Variants in MACC1 observed in about 807,000 individuals in gnomAD.
MACC1 encodes metastasis-associated in colon cancer protein 1.
A neutral mutation model predicts 70.7 loss-of-function variants in MACC1; 79 were observed. The ratio of observed to expected loss-of-function variants is 1.12; its 90% CI spans 0.93 to 1.35. The LOEUF is 1.35. MACC1 is among the 40% of genes most tolerant of loss of function. The pLI is 0.00. For missense variants in MACC1, 1,106 were observed against 978.1 expected, an observed-to-expected ratio of 1.13 and a Z score of -1.74; for synonymous variants, 361 against 347.2, an observed-to-expected ratio of 1.04 and a Z score of -0.44.
At chr7:20,178,294 CA>C (rs1562593255) in intron 1 of MACC1, among the ~76,000 whole-genome samples, 50 of 42,296 alleles carry the variant, frequency 1.2e-3, no homozygotes, top group African/African-American at 9.8e-3. Flanking sequence ...CACACACACA[CA>C]CACTCCAGAG....
intron 2 of MACC1, among the ~76,000 whole-genome samples, chr7:20,170,074 C>T (rs1318006130): frequency 6.6e-6 from 1 of 152,168 alleles, no homozygotes; most frequent in Non-Finnish European, 1.5e-5. Flanking sequence ...GCCATGATTC[C>T]TGCCAAAAGA....
intron 5 of MACC1, among the ~76,000 whole-genome samples, chr7:20,157,748 C>T (rs1389795602): frequency 7.8e-6 from 1 of 128,078 alleles, no homozygotes; most frequent in Non-Finnish European, 1.6e-5. Flanking sequence ...GCCTGGGCAA[C>T]AGACCGAGAC....
At chr7:20,211,204 C>T (rs568808683) in intron 1 of MACC1, among the ~76,000 whole-genome samples, 1 of 152,082 alleles carries the variant, frequency 6.6e-6, no homozygotes, top group African/African-American at 2.4e-5. Flanking sequence ...ATAAGGATTC[C>T]TGGGAATCAG....
In MACC1 at chr7:20,135,516, A is replaced by G. The variant is rs2128098758; in HGVS notation, c.*5430T>C. 6.6e-6 allele frequency: 1 copy of G among 152,336 alleles called. No individual in the cohort carries two copies. The highest frequency in any genetic ancestry group is 1.9e-4 in the East Asian group (1 of 5,192). The allele number at this position is 152,336 out of a possible 1,614,324, so 9.4% of individuals were successfully genotyped here. A position where few individuals can be genotyped will look rare whatever the true frequency, so the allele number is the denominator to read the frequency against. On this transcript the variant is annotated 3_prime_UTR_variant, in exon 7 of 7. Coordinates refer to ENST00000400331, the MANE Select transcript of MACC1 (RefSeq NM_182762.4). ...GAAATTTTAATACAGTGGTTCTCAAACTGGGGTCCCTGGACCAGAAACATC... is the reference window on the plus strand; with the variant it reads ...GAAATTTTAATACAGTGGTTCTCAAGCTGGGGTCCCTGGACCAGAAACATC...
Position 20,146,425 on chromosome 7 carries a change from C to T in MACC1, c.2347-5267G>A, listed in dbSNP as rs553007121. 9.2e-5 allele frequency among the ~76,000 whole-genome samples: 14 copies of T among 152,198 alleles called. No homozygotes were observed. In the South Asian group the frequency reaches 2.9e-3, roughly 32 times the overall value. On this transcript the variant is annotated intron_variant, in intron 6 of 6. Transcript: ENST00000400331. Reference sequence around the variant, plus strand: ...TGTGTACATTAATTAACAATAAACTCTATGAAATTTGCCCTAAAATATCTA... The same window carrying T: ...TGTGTACATTAATTAACAATAAACTTTATGAAATTTGCCCTAAAATATCTA...
intron 1 of MACC1, among the ~76,000 whole-genome samples, chr7:20,216,804 A>G (rs1180765529): frequency 6.6e-6 from 1 of 152,192 alleles, no homozygotes; most frequent in Non-Finnish European, 1.5e-5. Flanking sequence ...TTATGCACAC[A>G]CACTTTACAG....
chr7:20,155,817 A>C (rs1782046959), intron 5 of MACC1, among the ~76,000 whole-genome samples: 1 of 152,178 alleles, frequency 6.6e-6, no homozygotes, highest in Non-Finnish European at 1.5e-5. Context: ...CGGGCCCCTG[A>C]TGGTGCTTTT....
chr7:20,203,202 A>T (rs1782857768), intron 1 of MACC1, among the ~76,000 whole-genome samples: 1 of 152,172 alleles, frequency 6.6e-6, no homozygotes, highest in Admixed American at 6.5e-5. Flanking sequence ...CATCAGCACC[A>T]ATCTCCTAGG....
chr7:20,140,990 C>T lies in MACC1; in HGVS notation c.2515G>A (p.Glu839Lys), dbSNP rs1373635521. 2.5e-6 allele frequency: 4 copies of T among 1,613,774 alleles called. No homozygotes were observed. Among genetic ancestry groups the T allele is most frequent in the Non-Finnish European group, 3.4e-6 (4 of 1,179,938 alleles). ...TGVLILVNSL[E>K]VLRVTAFSTS... is the part of the protein sequence containing the mutation. ...GAGAATGCAGTTACTCTCAAAACCT[C>T]CAAAGAATTTACTAGTATTAAAACT... is the stretch of plus-strand genomic sequence containing the variant. Residue 839 changes from glutamate to lysine, a missense_variant, in exon 7 of 7, where the codon GAG becomes AAG. Glu to Lys is a moderately conservative substitution (Grantham distance 56). Transcript: ENST00000400331.
chr7:20,192,827 G>A (rs7779048), intron 1 of MACC1, among the ~76,000 whole-genome samples: 6,302 of 152,174 alleles, frequency 0.041, 159 homozygotes, highest in East Asian at 0.096. Flanking sequence ...CAGAAAACAC[G>A]GTACTCATGA....
At chr7:20,181,581 T>C (rs868275065) in intron 1 of MACC1, among the ~76,000 whole-genome samples, 9 of 152,266 alleles carry the variant, frequency 5.9e-5, no homozygotes, top group Non-Finnish European at 1.0e-4. Flanking sequence ...AAATTCCATA[T>C]TGAATTTCAT....
At chr7:20,201,016 T>TGGG (rs1782825066) in intron 1 of MACC1, among the ~76,000 whole-genome samples, 1 of 152,256 alleles carries the variant, frequency 6.6e-6, no homozygotes, top group Non-Finnish European at 1.5e-5. Context: ...GATGGATTTC[T>TGGG]ATTATTATGT....
In MACC1 at chr7:20,159,895, T is replaced by C. The variant is rs2128102883; in HGVS notation, c.466A>G (p.Ser156Gly). The change falls in exon 5 of 7, where the codon AGT (serine) becomes GGT (glycine). Residue 156 changes from serine (S) to glycine (G), a missense_variant. Transcript: ENST00000400331. ...ILDDTAHAHQ[S>G]IHNSDQILLH... ...AGGATCTGGTCAGAGTTATGTATAC[T>C]CTGATGGGCATGTGCTGTGTCGTCT... 6.2e-7 allele frequency: 1 copy of C among 1,614,156 alleles called. No homozygotes were observed. The highest frequency in any genetic ancestry group is 8.5e-7 in the Non-Finnish European group (1 of 1,180,028).
At chr7:20,165,149 G>C (rs904119684) in intron 2 of MACC1, among the ~76,000 whole-genome samples, 5 of 152,110 alleles carry the variant, frequency 3.3e-5, no homozygotes, top group African/African-American at 7.2e-5. Context: ...ACTCAAGCAG[G>C]TCTTCACTGT....
chr7:20,151,268 C>G (rs1417334374), intron 6 of MACC1, among the ~76,000 whole-genome samples: 1 of 152,022 alleles, frequency 6.6e-6, no homozygotes, highest in Non-Finnish European at 1.5e-5. Context: ...TCTCTGAATC[C>G]CCAGCATGTC....
At chr7:20,179,242 G>GA (rs34648768) in intron 1 of MACC1, among the ~76,000 whole-genome samples, 2,207 of 150,298 alleles carry the variant, frequency 0.015, 58 homozygotes, top group African/African-American at 0.05. Context: ...CTATCTTACA[G>GA]AAAAAAAAAA....
intron 2 of MACC1, among the ~76,000 whole-genome samples, chr7:20,168,947 T>C (rs1486843364): frequency 6.6e-6 from 1 of 152,160 alleles, no homozygotes; most frequent in Non-Finnish European, 1.5e-5. Flanking sequence ...TTGAGATGAG[T>C]AAATTTGAGA....
At chr7:20,160,808 A>G (rs1041106718) in intron 4 of MACC1, among the ~76,000 whole-genome samples, 1 of 152,114 alleles carries the variant, frequency 6.6e-6, no homozygotes, top group Non-Finnish European at 1.5e-5. Flanking sequence ...TAAGTTAGAA[A>G]GTCATTAATT....
chr7:20,195,437 T>A (rs1782736194), intron 1 of MACC1, among the ~76,000 whole-genome samples: 1 of 152,188 alleles, frequency 6.6e-6, no homozygotes, highest in African/African-American at 2.4e-5. Context: ...GAATTTAAGT[T>A]GAATAAATTA....
Sources: gnomAD v4.1 joint callset for allele counts (sites outside exome capture counted in the v4.1 genomes callset) on GRCh38, gnomAD v4.1.1 for gene constraint, MANE v1.5 for transcripts, NCBI Gene and HGNC (gene_info 2026-07-23, HGNC 2026-07-21) for gene names.